NEMP2: variants seen among roughly 807,000 people sequenced by gnomAD.
NEMP2 encodes the protein nuclear envelope integral membrane protein 2, also known as UPF0571 transmembrane protein.
A neutral mutation model predicts 54.2 loss-of-function variants in NEMP2; 53 were observed. The ratio of observed to expected loss-of-function variants is 0.98; its 90% confidence interval spans 0.78 to 1.23. NEMP2 has a LOEUF of 1.23. Ranked by LOEUF, NEMP2 falls within the 50% of genes most tolerant of loss-of-function variation. The pLI is 0.00. For synonymous variants in NEMP2, 197 were observed against 190.3 expected, an observed-to-expected ratio of 1.04 and a Z score of -0.29; for missense variants, 455 against 511.3, an observed-to-expected ratio of 0.89 and a Z score of 1.06.
rs559127703 is a variant in NEMP2, at chr2:190,530,704, T to C, written c.97+3855A>G. ...AATGGAAACAGGAAACAGAGCCAGTTTGACTGCTTATTTGAACTCTATGGC... is the reference window on the plus strand; with the variant it reads ...AATGGAAACAGGAAACAGAGCCAGTCTGACTGCTTATTTGAACTCTATGGC... On this transcript the variant is annotated intron_variant, in intron 1 of 8. Transcript: ENST00000409150. This position sits in a 1 kb window ranked among gnomAD's most constrained non-coding sequence, Gnocchi z 4.6. 9.2e-5 allele frequency among the ~76,000 whole-genome samples: 14 copies of C among 152,368 alleles called. No homozygotes were observed. The highest frequency in any genetic ancestry group is 3.1e-4 in the African/African-American group (13 of 41,586).
the NEMP2 span, among the ~76,000 whole-genome samples, chr2:190,456,955 C>T: frequency 9.9e-5 from 15 of 152,134 alleles, no homozygotes; most frequent in Admixed American, 3.9e-4. The surrounding 1 kb of genome is among the most constrained non-coding windows in gnomAD (Gnocchi z 5.4). Flanking sequence ...CCCAATGACT[C>T]GTCAAAGTTT....
chr2:190,453,211 G>A, the NEMP2 span, among the ~76,000 whole-genome samples: 1 of 152,042 alleles, frequency 6.6e-6, no homozygotes, highest in Non-Finnish European at 1.5e-5. Flanking sequence ...TGAAGGAGAG[G>A]AGTTATATTA....
At chr2:190,575,945 T>C in the NEMP2 span, among the ~76,000 whole-genome samples, 104 of 151,560 alleles carry the variant, frequency 6.9e-4, no homozygotes, top group African/African-American at 2.3e-3. Flanking sequence ...TAGTGACCTA[T>C]ATTCATGAGT....
chr2:190,475,321 G>A, the NEMP2 span, among the ~76,000 whole-genome samples: 8 of 152,150 alleles, frequency 5.3e-5, no homozygotes, highest in South Asian at 2.1e-4. Flanking sequence ...AAACCCCATC[G>A]TCTCAGCCCA....
the NEMP2 span, among the ~76,000 whole-genome samples, chr2:190,554,259 A>T: frequency 6.6e-6 from 1 of 151,982 alleles, no homozygotes; most frequent in Admixed American, 6.5e-5. This position sits in a 1 kb window ranked among gnomAD's most constrained non-coding sequence, Gnocchi z 5.7. Context: ...TAGCCGCAGG[A>T]GTTTTTTTTT....
downstream of NEMP2, chr2:190,501,374 A>G (rs1690015679): frequency 6.6e-6 from 1 of 152,204 alleles, no homozygotes; most frequent in African/African-American, 2.4e-5. Flanking sequence ...ACACTGGACA[A>G]TGTAATGTAT....
the NEMP2 span, among the ~76,000 whole-genome samples, chr2:190,485,633 A>G: frequency 1.2e-4 from 18 of 152,282 alleles, no homozygotes; most frequent in Non-Finnish European, 2.4e-4. This position sits in a 1 kb window ranked among gnomAD's most constrained non-coding sequence, Gnocchi z 5.1. Flanking sequence ...ATTAGGTACT[A>G]TGGTGTCAAC....
chr2:190,577,372 T>A, the NEMP2 span, among the ~76,000 whole-genome samples: 2 of 152,232 alleles, frequency 1.3e-5, no homozygotes, highest in Non-Finnish European at 2.9e-5. This position sits in a 1 kb window ranked among gnomAD's most constrained non-coding sequence, Gnocchi z 4.8. Context: ...TTTCGCTTAA[T>A]GTCCAGTGCA....
the NEMP2 span, among the ~76,000 whole-genome samples, chr2:190,544,930 C>CAAAA: frequency 2.2e-5 from 2 of 90,754 alleles, no homozygotes; most frequent in African/African-American, 9.4e-5. Context: ...TCTACCCCCG[C>CAAAA]AAAAAAAAAA....
At chr2:190,541,186 A>ATG in the NEMP2 span, among the ~76,000 whole-genome samples, 1 of 151,442 alleles carries the variant, frequency 6.6e-6, no homozygotes, top group African/African-American at 2.4e-5. The surrounding 1 kb of genome is among the most constrained non-coding windows in gnomAD (Gnocchi z 5.2). Context: ...ATGTGTATAT[A>ATG]TATATATATT....
Position 190,533,406 on chromosome 2 carries a change from G to T in NEMP2, c.97+1153C>A, listed in dbSNP as rs377248938. ...AATGGGTATAAAATGGTGCTTTCCC[G>T]CATAGGGCTTCTATGGGTATTAAAT... On this transcript the variant is annotated intron_variant, in intron 1 of 8. Coordinates refer to ENST00000409150, the MANE Select transcript of NEMP2 (RefSeq NM_001142645.2). The surrounding 1 kb of genome is among the most constrained non-coding windows in gnomAD (Gnocchi z 4.3). Among the ~76,000 whole-genome samples the T allele has an allele frequency of 2.6e-5, 4 of 152,172 alleles. No individual in the cohort carries two copies. The highest frequency in any genetic ancestry group is 7.2e-5 in the African/African-American group (3 of 41,430).
chr2:190,615,384 T>A, the NEMP2 span, among the ~76,000 whole-genome samples: 3 of 152,202 alleles, frequency 2.0e-5, no homozygotes, highest in Non-Finnish European at 4.4e-5. The surrounding 1 kb of genome is among the most constrained non-coding windows in gnomAD (Gnocchi z 4.7). Context: ...ACTGGTCTAT[T>A]ATAAAGGATA....
At chr2:190,436,236 A>C in the NEMP2 span, 1 of 1,614,088 alleles carries the variant, frequency 6.2e-7, no homozygotes, top group Non-Finnish European at 8.5e-7. The surrounding 1 kb of genome is among the most constrained non-coding windows in gnomAD (Gnocchi z 5.3). Context: ...ACGATCTTCT[A>C]ATTTCCAAGG....
the NEMP2 span, among the ~76,000 whole-genome samples, chr2:190,645,771 A>G: frequency 6.6e-6 from 1 of 152,220 alleles, no homozygotes; most frequent in Non-Finnish European, 1.5e-5. Flanking sequence ...TTATTTTACT[A>G]TTTGCATTCG....
the NEMP2 span, among the ~76,000 whole-genome samples, chr2:190,606,007 A>G: frequency 4.6e-5 from 7 of 152,226 alleles, no homozygotes; most frequent in African/African-American, 1.7e-4. Context: ...ATAGATCCTG[A>G]ATAAATGTTG....
At chr2:190,463,077 G>C in the NEMP2 span, among the ~76,000 whole-genome samples, 2 of 152,188 alleles carry the variant, frequency 1.3e-5, no homozygotes, top group African/African-American at 4.8e-5. The surrounding 1 kb of genome is among the most constrained non-coding windows in gnomAD (Gnocchi z 4.4). Context: ...GAGAAGACAA[G>C]AGATTCCAGA....
the NEMP2 span, among the ~76,000 whole-genome samples, chr2:190,458,777 G>A: frequency 6.6e-6 from 1 of 152,180 alleles, no homozygotes; most frequent in Non-Finnish European, 1.5e-5. The surrounding 1 kb of genome is among the most constrained non-coding windows in gnomAD (Gnocchi z 5.3). Flanking sequence ...GAGAAGTCCA[G>A]CAAATGACCA....
At chr2:190,468,079 T>C in the NEMP2 span, among the ~76,000 whole-genome samples, 1 of 152,216 alleles carries the variant, frequency 6.6e-6, no homozygotes, top group Non-Finnish European at 1.5e-5. Flanking sequence ...TCATGTAGTA[T>C]ATTTTGCATT....
chr2:190,631,848 G>T, the NEMP2 span, among the ~76,000 whole-genome samples: 1 of 152,142 alleles, frequency 6.6e-6, no homozygotes, highest in Non-Finnish European at 1.5e-5. Flanking sequence ...TTGAGTCCAG[G>T]AGTTCGAGAC....
Sources: allele counts gnomAD v4.1 joint callset (sites outside exome capture counted in the v4.1 genomes callset), GRCh38; gene constraint gnomAD v4.1.1; non-coding constraint Gnocchi (gnomAD v3.1); transcripts MANE v1.5; gene names NCBI Gene and HGNC (gene_info 2026-07-23, HGNC 2026-07-21).